The following CDH13 variants were observed in gnomAD, a reference collection of about 807,000 sequenced individuals.
The protein encoded by CDH13 is cadherin-13.
Under a neutral mutation model 63.8 loss-of-function variants are expected in CDH13, and 24 were observed. That is an observed-to-expected ratio of 0.38 (90% CI 0.27 to 0.53). The LOEUF (loss-of-function observed/expected upper bound fraction) is 0.53, where lower values mean the gene tolerates loss of function less well. Among genes scored for constraint, CDH13 ranks in the 20% least tolerant of loss-of-function variants. CDH13 has a pLI of 0.85. For missense variants in CDH13, 1,049 were observed against 903.1 expected (o/e 1.16, Z -2.07); for synonymous variants, 503 against 355.3 (o/e 1.42, Z -4.67).
chr16:82,633,880 T>C (rs1490451903), intron 1 of CDH13, among the ~76,000 whole-genome samples: 1 of 152,238 alleles, frequency 6.6e-6, no homozygotes, highest in East Asian at 1.9e-4. Context: ...CAGATGATTC[T>C]TGTTTTCCAT....
At chr16:83,255,406 A>G (rs1269701205) in intron 5 of CDH13, among the ~76,000 whole-genome samples, 1 of 152,218 alleles carries the variant, frequency 6.6e-6, no homozygotes, top group Non-Finnish European at 1.5e-5. Context: ...GCTTTCCCAC[A>G]GATAAAAGAC....
chr16:83,475,069 T>G (rs1252265703), intron 6 of CDH13, among the ~76,000 whole-genome samples: 1 of 152,252 alleles, frequency 6.6e-6, no homozygotes, highest in African/African-American at 2.4e-5. Flanking sequence ...CACGACTGGC[T>G]GCGTGATTTG....
intron 10 of CDH13, among the ~76,000 whole-genome samples, chr16:83,694,531 G>A (rs1423026852): frequency 6.6e-6 from 1 of 152,210 alleles, no homozygotes; most frequent in Admixed American, 6.5e-5. Context: ...CAGACTTGCT[G>A]TTATGACTGT....
At chr16:83,595,094 G>T (rs1168850184) in intron 7 of CDH13, among the ~76,000 whole-genome samples, 1 of 152,226 alleles carries the variant, frequency 6.6e-6, no homozygotes, top group Admixed American at 6.5e-5. Flanking sequence ...GACTCTCTTA[G>T]ATATGTCTTA....
chr16:82,932,040 G>C (rs970678343), intron 2 of CDH13, among the ~76,000 whole-genome samples: 4 of 152,118 alleles, frequency 2.6e-5, no homozygotes, highest in African/African-American at 9.7e-5. Context: ...CTTGTGGGGG[G>C]AAAATCACTG....
At chr16:82,979,782 T>C (rs1910016847) in intron 2 of CDH13, among the ~76,000 whole-genome samples, 1 of 152,142 alleles carries the variant, frequency 6.6e-6, no homozygotes, top group Non-Finnish European at 1.5e-5. Context: ...CCTGCCTTGC[T>C]TTTTTGAAAG....
chr16:82,889,666 A>G (rs921525619), intron 2 of CDH13, among the ~76,000 whole-genome samples: 4 of 152,336 alleles, frequency 2.6e-5, no homozygotes, highest in South Asian at 2.1e-4. Flanking sequence ...AGATATTTCT[A>G]TGATGCGTTC....
At chr16:83,019,611 C>G (rs912577347) in intron 2 of CDH13, among the ~76,000 whole-genome samples, 3 of 151,212 alleles carry the variant, frequency 2.0e-5, no homozygotes, top group Admixed American at 6.6e-5. Flanking sequence ...TCCTCCTGCC[C>G]AAGCATCCCG....
intron 1 of CDH13, among the ~76,000 whole-genome samples, chr16:82,713,730 A>G (rs764607341): frequency 8.8e-5 from 13 of 147,902 alleles, no homozygotes; most frequent in African/African-American, 3.2e-4. Flanking sequence ...GGCCTAGTGC[A>G]TGTTTCACCT....
intron 1 of CDH13, chr16:82,823,786 A>T (rs536054774): frequency 5.3e-5 from 8 of 152,298 alleles, no homozygotes; most frequent in Admixed American, 4.6e-4. Flanking sequence ...GAGGAAGAAG[A>T]TGCAGATATA....
chr16:83,333,636 A>G (rs12597597), intron 5 of CDH13, among the ~76,000 whole-genome samples: 60,563 of 152,026 alleles, frequency 0.4, 12,415 homozygotes, highest in East Asian at 0.49. Flanking sequence ...CTGTGTACAC[A>G]TGCTCATTTA....
intron 7 of CDH13, among the ~76,000 whole-genome samples, chr16:83,592,244 C>G (rs1453677216): frequency 1.3e-5 from 2 of 152,196 alleles, no homozygotes; most frequent in Non-Finnish European, 2.9e-5. Flanking sequence ...TATAGCTTTC[C>G]TGAGCACCCC....
intron 5 of CDH13, among the ~76,000 whole-genome samples, chr16:83,285,161 C>G (rs541900492): frequency 6.6e-6 from 1 of 152,234 alleles, no homozygotes; most frequent in South Asian, 2.1e-4. Flanking sequence ...CCTGTAGATT[C>G]TTGGCAAGAG....
intron 5 of CDH13, among the ~76,000 whole-genome samples, chr16:83,333,984 G>T (rs1259285093): frequency 6.6e-6 from 1 of 152,108 alleles, no homozygotes; most frequent in East Asian, 1.9e-4. Flanking sequence ...ATGTGTCAGG[G>T]TAAAATCAAG....
rs115815165 is a variant in CDH13 at position 82,858,321 on chromosome 16, A to C, written c.46-41A>C. The C allele has an allele frequency of 3.7e-6, 5 of 1,369,304 alleles. No homozygotes were observed. In the South Asian group the frequency reaches 5.9e-5, roughly 16 times the overall value. 84.8% of individuals were successfully genotyped at this position (1,369,304 alleles called of 1,614,324 possible). ...TGGCGAAAGTTAGCAGGGCAAACAC[A>C]TAAGCCGCTATTAAAATATTGATGG... On this transcript the variant is annotated intron_variant, in intron 1 of 13. Coordinates refer to ENST00000567109, the MANE Select transcript of CDH13 (RefSeq NM_001257.5).
At chr16:83,271,714 T>C (rs750546826) in intron 5 of CDH13, among the ~76,000 whole-genome samples, 18 of 152,148 alleles carry the variant, frequency 1.2e-4, no homozygotes, top group Non-Finnish European at 2.4e-4. Context: ...CTTTCTTTTA[T>C]CTTTCTTTGC....
rs184202686 is a variant in CDH13, at chr16:82,758,624, C to T, written c.46-99738C>T. ...AGCAGCCTCTAGAGGAGAGGTCACGCGGCACAGAATATGGCCGCCTATGCT... is the reference window on the plus strand; with the variant it reads ...AGCAGCCTCTAGAGGAGAGGTCACGTGGCACAGAATATGGCCGCCTATGCT... On this transcript the variant is annotated intron_variant, in intron 1 of 13. Transcript: ENST00000567109. Among the ~76,000 whole-genome samples, 95 of 152,250 alleles carry T rather than the reference C, an allele frequency of 6.2e-4. No homozygotes were observed. The Middle Eastern group carries it at 0.014, about 22-fold the overall frequency.
At chr16:82,693,978 G>T (rs1017617925) in intron 1 of CDH13, among the ~76,000 whole-genome samples, 1 of 152,126 alleles carries the variant, frequency 6.6e-6, no homozygotes, top group Non-Finnish European at 1.5e-5. Context: ...TATTTGCTGC[G>T]TACATGGTCC....
intron 3 of CDH13, among the ~76,000 whole-genome samples, chr16:83,068,811 C>A (rs930535031): frequency 3.9e-5 from 6 of 152,172 alleles, no homozygotes; most frequent in Non-Finnish European, 7.3e-5. Flanking sequence ...ACCCTGCTTG[C>A]CAATTTTTCT....
Sources: gnomAD v4.1 joint callset for allele counts (sites outside exome capture counted in the v4.1 genomes callset) on GRCh38, gnomAD v4.1.1 for gene constraint, MANE v1.5 for transcripts, NCBI Gene and HGNC (gene_info 2026-07-23, HGNC 2026-07-21) for gene names.